The following FHIT variants were observed in gnomAD, a reference collection of about 807,000 sequenced individuals.
FHIT encodes the protein bis(5'-adenosyl)-triphosphatase.
FHIT carries 19 observed loss-of-function variants against 17.9 expected under a neutral mutation model. The observed-to-expected ratio is 1.06, with a 90% CI of 0.74 to 1.56. The LOEUF (loss-of-function observed/expected upper bound fraction) is 1.56. Ranked by LOEUF, FHIT falls within the 40% of genes most tolerant of loss-of-function variation. FHIT has a pLI of 0.00. For missense variants in FHIT, 248 were observed against 189.2 expected (o/e 1.31, Z -1.82); for synonymous variants, 81 against 69.7 (o/e 1.16, Z -0.81).
intron 5 of FHIT, among the ~76,000 whole-genome samples, chr3:60,356,764 A>AC (rs1699678982): frequency 7.3e-6 from 1 of 136,704 alleles, no homozygotes; most frequent in Non-Finnish European, 1.5e-5. Flanking sequence ...AAAAAAAAAA[A>AC]AAAAAAAAAA....
chr3:59,992,088 T>C (rs552160363), intron 7 of FHIT, among the ~76,000 whole-genome samples: 1 of 152,108 alleles, frequency 6.6e-6, no homozygotes, highest in African/African-American at 2.4e-5. Flanking sequence ...CAATGAAAGA[T>C]TTGTCCAAGG....
At chr3:60,368,171 G>T (rs1302107333) in intron 5 of FHIT, among the ~76,000 whole-genome samples, 1 of 142,392 alleles carries the variant, frequency 7.0e-6, no homozygotes, top group African/African-American at 2.6e-5. Flanking sequence ...AAATGGAACT[G>T]TAAAATCATA....
At chr3:60,255,511 A>G (rs975805553) in intron 5 of FHIT, among the ~76,000 whole-genome samples, 1 of 152,108 alleles carries the variant, frequency 6.6e-6, no homozygotes, top group African/African-American at 2.4e-5. Context: ...CCGGGGCGAC[A>G]AACCCAACTT....
intron 9 of FHIT, chr3:59,750,356 C>CAGTCA (rs1296418957): frequency 1.8e-5 from 4 of 224,890 alleles, no homozygotes; most frequent in South Asian, 1.8e-4. Context: ...TCAACCTAGG[C>CAGTCA]AGTCAAGTCT....
intron 5 of FHIT, among the ~76,000 whole-genome samples, chr3:60,132,312 G>T (rs912448901): frequency 2.0e-5 from 3 of 152,214 alleles, no homozygotes; most frequent in African/African-American, 4.8e-5. Flanking sequence ...CTTGCTGATA[G>T]ATACATCCCA....
intron 5 of FHIT, among the ~76,000 whole-genome samples, chr3:60,065,843 G>A (rs1024998761): frequency 6.6e-6 from 1 of 152,090 alleles, no homozygotes; most frequent in Non-Finnish European, 1.5e-5. Flanking sequence ...ATACTCGGGG[G>A]AAGCATATGA....
At position 60,252,985 on chromosome 3, in the gene FHIT, G is replaced by A. The variant is rs529601562; in HGVS notation, c.104-238833C>T. Among the ~76,000 whole-genome samples, 37 of 152,098 alleles carry A rather than the reference G, an allele frequency of 2.4e-4. 2 individuals carry two copies. In the South Asian group the frequency reaches 3.9e-3, roughly 16 times the overall value. ...TGCACTCCAGCCTGGGTGACAGAGC[G>A]AGACTCCATCTCAAAATAAATAAAT... On this transcript the variant is annotated intron_variant, in intron 5 of 9. Coordinates refer to ENST00000492590, the MANE Select transcript of FHIT (RefSeq NM_002012.4).
intron 8 of FHIT, among the ~76,000 whole-genome samples, chr3:59,764,057 C>T (rs1225465928): frequency 2.6e-5 from 4 of 152,210 alleles, no homozygotes; most frequent in Non-Finnish European, 5.9e-5. Context: ...CCCAGAACAG[C>T]TGGACCCAGC....
intron 8 of FHIT, among the ~76,000 whole-genome samples, chr3:59,857,705 G>GTT (rs78150569): frequency 2.6e-4 from 30 of 115,396 alleles, no homozygotes; most frequent in African/African-American, 8.7e-4. Context: ...AAAGTGCTGG[G>GTT]TTTTTTTTTT....
chr3:61,215,503 A>G (rs930524514), intron 1 of FHIT, among the ~76,000 whole-genome samples: 1 of 152,198 alleles, frequency 6.6e-6, no homozygotes, highest in Non-Finnish European at 1.5e-5. Flanking sequence ...GACGATACAA[A>G]CAAATGGAAG....
In FHIT at chr3:60,015,110, CTTG is replaced by C. The variant is rs144982624; in HGVS notation, c.104-961_104-959del. On this transcript the variant is annotated intron_variant, in intron 5 of 9. Transcript: ENST00000492590. Reference sequence around the variant, plus strand: ...TTGTACGTTTTTCTGTTTCTTTTTTCTTGTTGTTTTAAGACAGCATGCTCCTGC... The same window carrying C: ...TTGTACGTTTTTCTGTTTCTTTTTTCTTGTTTTAAGACAGCATGCTCCTGC... Among the ~76,000 whole-genome samples the C allele has an allele frequency of 8.8e-3, 1,333 of 151,992 alleles. 28 individuals carry two copies. Among genetic ancestry groups the C allele is most frequent in the African/African-American group, 0.031 (1,268 of 41,466 alleles).
intron 5 of FHIT, among the ~76,000 whole-genome samples, chr3:60,431,663 C>G (rs1702910844): frequency 6.6e-6 from 1 of 152,096 alleles, no homozygotes; most frequent in South Asian, 2.1e-4. Flanking sequence ...ACAAAGCCAT[C>G]TTACCAAAGT....
At chr3:61,159,116 T>C (rs1560028796) in intron 2 of FHIT, among the ~76,000 whole-genome samples, 1 of 152,248 alleles carries the variant, frequency 6.6e-6, no homozygotes, top group Non-Finnish European at 1.5e-5. Context: ...TCCTGACTTG[T>C]AGTTTATTCT....
chr3:60,334,914 G>A (rs1228559170), intron 5 of FHIT, among the ~76,000 whole-genome samples: 1 of 152,192 alleles, frequency 6.6e-6, no homozygotes, highest in Non-Finnish European at 1.5e-5. Context: ...TATGGCTATA[G>A]TATATAAGAA....
chr3:60,133,893 G>GA (rs144076467), intron 5 of FHIT, among the ~76,000 whole-genome samples: 6,678 of 149,854 alleles, frequency 0.045, 479 homozygotes, highest in African/African-American at 0.15. Flanking sequence ...CCCTTCCCTT[G>GA]AAAAAAAGAA....
At position 59,758,674 on chromosome 3, in the gene FHIT, T is replaced by C. The variant is rs114560139; in HGVS notation, c.349-6353A>G. Among the ~76,000 whole-genome samples the C allele has an allele frequency of 4.0e-3, 613 of 152,358 alleles. 2 individuals are homozygous for C. The highest frequency in any genetic ancestry group is 0.014 in the African/African-American group (584 of 41,580). On this transcript the variant is annotated intron_variant, in intron 8 of 9. Coordinates refer to ENST00000492590, the MANE Select transcript of FHIT (RefSeq NM_002012.4). ...ATAAGATTGTTTTGTTTAGATCATA[T>C]TTATTTTTAGGGACATCTCTCATTT...
chr3:60,233,646 T>A (rs1025953634), intron 5 of FHIT, among the ~76,000 whole-genome samples: 1 of 152,200 alleles, frequency 6.6e-6, no homozygotes, highest in African/African-American at 2.4e-5. Context: ...AAAAATAAGC[T>A]GATATAGTTT....
At position 61,210,834 on chromosome 3, in the gene FHIT, C is replaced by A. The variant is rs148895166; in HGVS notation, c.-212-10169G>T. 1.3e-3 allele frequency among the ~76,000 whole-genome samples: 204 copies of A among 152,014 alleles called. 1 individual carries two copies. The highest frequency in any genetic ancestry group is 1.8e-3 in the Non-Finnish European group (122 of 67,988). The stretch of plus-strand genomic sequence containing the variant: ...TGTCCTGCACCCACTGTATTGCACT[C>A]CCCAGTGAGATGAACCTGGTACCTC... On this transcript the variant is annotated intron_variant, in intron 1 of 9. Transcript: ENST00000492590.
intron 4 of FHIT, among the ~76,000 whole-genome samples, chr3:60,580,129 C>T (rs1247897058): frequency 6.6e-6 from 1 of 152,120 alleles, no homozygotes; most frequent in East Asian, 1.9e-4. Flanking sequence ...TATCCTGAGG[C>T]TCGTTCCAAC....
Sources: gnomAD v4.1 joint callset for allele counts (sites outside exome capture counted in the v4.1 genomes callset) on GRCh38, gnomAD v4.1.1 for gene constraint, MANE v1.5 for transcripts, NCBI Gene and HGNC (gene_info 2026-07-23, HGNC 2026-07-21) for gene names.